NADSYN1: variants seen among roughly 807,000 people sequenced by gnomAD.
NADSYN1 encodes NAD synthetase 1, also known as glutamine-dependent NAD(+) synthetase.
NADSYN1 carries 80 observed loss-of-function variants against 99.3 expected under a neutral mutation model. The ratio of observed to expected loss-of-function variants is 0.81; its 90% confidence interval spans 0.67 to 0.97. The LOEUF is 0.97. Among genes scored for constraint, NADSYN1 ranks in the 50% least tolerant of loss-of-function variants. NADSYN1 has a pLI of 0.00. For missense variants in NADSYN1, 859 were observed against 948.5 expected, an observed-to-expected ratio of 0.91 and a Z score of 1.24; for synonymous variants, 385 against 372.1, an observed-to-expected ratio of 1.03 and a Z score of -0.40.
intron 15 of NADSYN1, chr11:71,485,205 T>C: frequency 5.3e-6 from 1 of 188,956 alleles, no homozygotes; most frequent in Non-Finnish European, 1.1e-5. Context: ...TCTCCCCTCC[T>C]GCCAGTGGTA....
chr11:71,455,645 G>A (rs975444846), intron 2 of NADSYN1, among the ~76,000 whole-genome samples: 2 of 152,208 alleles, frequency 1.3e-5, no homozygotes, highest in African/African-American at 2.4e-5. Flanking sequence ...ACCATGTGAG[G>A]ACACAGAGAA....
At chr11:71,478,666 C>G in intron 10 of NADSYN1, 197 bp downstream of exon 10, 1 of 569,176 alleles carries the variant, frequency 1.8e-6, no homozygotes, top group Non-Finnish European at 3.2e-6. Context: ...TCATCCTCTG[C>G]TTGGGCCAGG....
In NADSYN1 at chr11:71,453,307, A is replaced by T. The variant is rs776083387; in HGVS notation, c.11A>T (p.Lys4Met). ...GCGACTGCGGCCAGGATGGGCCGGA[A>T]GGTGACCGTGGCCACCTGCGCACTC... MGR[K>M]VTVATCALNQ... The change falls in exon 1 of 21, where the codon AAG becomes ATG. Residue 4 changes from lysine (K) to methionine (M), a missense_variant. By Grantham distance (95) the Lys-to-Met change is moderately conservative. Transcript: ENST00000319023. The T allele has an allele frequency of 6.2e-7, 1 of 1,613,716 alleles. No homozygotes were observed. Among genetic ancestry groups the T allele is most frequent in the Non-Finnish European group, 8.5e-7 (1 of 1,179,762 alleles).
intron 3 of NADSYN1, among the ~76,000 whole-genome samples, chr11:71,462,871 C>A (rs1949559234): frequency 6.6e-6 from 1 of 152,150 alleles, no homozygotes; most frequent in Admixed American, 6.5e-5. Flanking sequence ...TCACTCTGGT[C>A]CCCACTCGAG....
At chr11:71,457,949 G>A (rs1352615022) in intron 2 of NADSYN1, among the ~76,000 whole-genome samples, 1 of 152,176 alleles carries the variant, frequency 6.6e-6, no homozygotes, top group Admixed American at 6.5e-5. Context: ...GGGTGTGGAC[G>A]GACCTTTTTG....
chr11:71,465,581 AGGCATTTACT>A (rs1157321527), intron 5 of NADSYN1, among the ~76,000 whole-genome samples: 5 of 152,186 alleles, frequency 3.3e-5, no homozygotes, highest in African/African-American at 4.8e-5. Flanking sequence ...GTGCATCCTC[AGGCATTTACT>A]GGCATAGCTG....
chr11:71,472,433 GTGT>G lies in NADSYN1; in HGVS notation c.408-14_408-12del. 6.2e-7 allele frequency: 1 copy of G among 1,603,252 alleles called. No individual in the cohort carries two copies. Among genetic ancestry groups the G allele is most frequent in the African/African-American group, 1.3e-5 (1 of 74,972 alleles). The stretch of plus-strand genomic sequence containing the variant: ...TGAGATGCTCATCCTCAGCTCCTCG[GTGT>G]TTTCCTCTCCAGGCACACAGAGGAG... On this transcript the variant is annotated splice_polypyrimidine_tract_variant and intron_variant, in intron 5 of 20. Transcript: ENST00000319023.
At chr11:71,459,336 C>T (rs1049817859) in intron 3 of NADSYN1, among the ~76,000 whole-genome samples, 1 of 149,436 alleles carries the variant, frequency 6.7e-6, no homozygotes, top group African/African-American at 2.5e-5. Context: ...CCTGCATAGC[C>T]GGTCCCCTAT....
At chr11:71,494,758 TTGG>T (rs1339844875) in intron 18 of NADSYN1, among the ~76,000 whole-genome samples, 3 of 152,178 alleles carry the variant, frequency 2.0e-5, no homozygotes, top group Non-Finnish European at 4.4e-5. Flanking sequence ...TTTTTCCATG[TTGG>T]TCAGGCTGGT....
At chr11:71,470,461 G>C (rs1591125801) in intron 5 of NADSYN1, among the ~76,000 whole-genome samples, 1 of 152,352 alleles carries the variant, frequency 6.6e-6, no homozygotes, top group East Asian at 1.9e-4. Flanking sequence ...CCTTCACCTG[G>C]GTACTGTGTG....
chr11:71,459,691 A>G (rs1040031634), intron 3 of NADSYN1: 1 of 152,428 alleles, frequency 6.6e-6, no homozygotes, highest in Non-Finnish European at 1.5e-5. Context: ...CTCATCCGGC[A>G]TGGACGTGGC....
rs547742463 is a variant in NADSYN1 at position 71,481,970 on chromosome 11, C to T, written c.1095C>T (p.Thr365=). The T allele has an allele frequency of 5.0e-5, 81 of 1,610,164 alleles. No homozygotes were observed. Among genetic ancestry groups the T allele is most frequent in the Middle Eastern group, 1.7e-4 (1 of 6,054 alleles). Residue 365 remains threonine (T), a synonymous_variant, in exon 13 of 21, where the codon ACC becomes ACT. Coordinates refer to ENST00000319023, the MANE Select transcript of NADSYN1 (RefSeq NM_018161.5). ...PLSGGVDSAA[T]ACLIYSMCCQ... is the part of the protein sequence containing the mutation. The stretch of plus-strand genomic sequence containing the variant: ...GTGGCGGGGTGGACAGCGCAGCCAC[C>T]GCCTGCCTCATCTACTCCATGTGCT...
At chr11:71,478,235 T>C (rs1949682785) in intron 9 of NADSYN1, among the ~76,000 whole-genome samples, 160 bp from the exon 10 acceptor site, 1 of 152,044 alleles carries the variant, frequency 6.6e-6, no homozygotes, top group Admixed American at 6.6e-5. Flanking sequence ...GGGCTATGGG[T>C]CCGCCTCAAT....
At chr11:71,492,876 G>A (rs1356119369) in intron 18 of NADSYN1, among the ~76,000 whole-genome samples, 2 of 148,144 alleles carry the variant, frequency 1.4e-5, no homozygotes, top group South Asian at 4.3e-4. Context: ...ACTTATTTAA[G>A]TTGTCTCTAA....
intron 5 of NADSYN1, among the ~76,000 whole-genome samples, chr11:71,469,927 G>GAAAAAA (rs749801544): frequency 3.1e-4 from 34 of 109,164 alleles, no homozygotes; most frequent in African/African-American, 1.2e-3. Flanking sequence ...GCCTGTCTCA[G>GAAAAAA]AAAAAAAAAA....
chr11:71,477,610 C>A (rs1222216642), intron 9 of NADSYN1, among the ~76,000 whole-genome samples: 1 of 152,302 alleles, frequency 6.6e-6, no homozygotes, highest in East Asian at 1.9e-4. Flanking sequence ...AAGGAATAAC[C>A]CCTATGAGTT....
chr11:71,456,756 C>T (rs150515995), intron 2 of NADSYN1, among the ~76,000 whole-genome samples: 1 of 152,336 alleles, frequency 6.6e-6, no homozygotes, highest in African/African-American at 2.4e-5. Flanking sequence ...GACAGGGGCC[C>T]AGCTGAGCAG....
chr11:71,501,699 G>A lies in NADSYN1; in HGVS notation c.*347G>A, dbSNP rs1057067181. On this transcript the variant is annotated 3_prime_UTR_variant, in exon 21 of 21. Coordinates refer to ENST00000319023, the MANE Select transcript of NADSYN1 (RefSeq NM_018161.5). ...AACAAGAACAGTAGCTCCCGGGAAG[G>A]GAGGGGTGTCATGAGCAGAAAATGA... The A allele has an allele frequency of 3.3e-6, 1 of 306,360 alleles. No individual in the cohort carries two copies. The highest frequency in any genetic ancestry group is 4.8e-5 in the Admixed American group (1 of 20,908). 19.0% of individuals were successfully genotyped at this position (306,360 alleles called of 1,614,324 possible).
chr11:71,499,232 T>C (rs1295102199), intron 20 of NADSYN1: 1 of 152,262 alleles, frequency 6.6e-6, no homozygotes, highest in Non-Finnish European at 1.5e-5. Flanking sequence ...CTGTTGGGAA[T>C]GGCGCTGTGG....
Sources: gnomAD v4.1 joint callset for allele counts (sites outside exome capture counted in the v4.1 genomes callset) on GRCh38, gnomAD v4.1.1 for gene constraint, MANE v1.5 for transcripts, NCBI Gene and HGNC (gene_info 2026-07-23, HGNC 2026-07-21) for gene names.